The following SUPT3H variants were observed in gnomAD, a reference collection of about 807,000 sequenced individuals.
The protein encoded by SUPT3H is transcription initiation protein SPT3 homolog.
A neutral mutation model predicts 44.3 loss-of-function variants in SUPT3H; 44 were observed. The ratio of observed to expected loss-of-function variants is 0.99; its 90% confidence interval spans 0.78 to 1.28. The LOEUF (loss-of-function observed/expected upper bound fraction) is 1.28. Ranked by LOEUF, SUPT3H falls within the 50% of genes most tolerant of loss-of-function variation. The pLI is 0.00. For missense variants in SUPT3H, 380 were observed against 387.1 expected (o/e 0.98, Z 0.15); for synonymous variants, 124 against 125.6 (o/e 0.99, Z 0.09).
At chr6:45,137,336 C>G (rs1031280293) in intron 2 of SUPT3H, among the ~76,000 whole-genome samples, 5 of 151,872 alleles carry the variant, frequency 3.3e-5, no homozygotes, top group African/African-American at 1.2e-4. Context: ...GAAGAACACT[C>G]AAAAAGTTAA....
intron 2 of SUPT3H, among the ~76,000 whole-genome samples, chr6:45,282,067 C>T (rs1423507562): frequency 1.3e-5 from 2 of 152,094 alleles, no homozygotes; most frequent in African/African-American, 4.8e-5. Context: ...GAAAGGACAT[C>T]CACAACAAAA....
intron 3 of SUPT3H, among the ~76,000 whole-genome samples, chr6:45,053,338 T>A (rs919840347): frequency 5.3e-5 from 8 of 151,886 alleles, no homozygotes; most frequent in Admixed American, 3.9e-4. Context: ...CAGCAATTGG[T>A]GGCAAGTAAT....
rs70993493 is a variant in SUPT3H, at chr6:45,077,626, C to CAAAAAAAAAAAAA, written c.186+28283_186+28295dup. 3.9e-3 allele frequency among the ~76,000 whole-genome samples: 132 copies of CAAAAAAAAAAAAA among 33,604 alleles called. 1 individual carries two copies. The highest frequency in any genetic ancestry group is 8.0e-3 in the East Asian group (9 of 1,128). 22.0% of individuals were successfully genotyped at this position (33,604 alleles called of 152,430 possible). On this transcript the variant is annotated intron_variant, in intron 3 of 10. Transcript: ENST00000371459. ...TAGGTGACAGAGTGAGACCTTGTTT[C>CAAAAAAAAAAAAA]AAAAAAAAAAAAAAAAGAAAAGAAA...
chr6:44,823,733 G>A (rs1234959750), downstream of SUPT3H, among the ~76,000 whole-genome samples: 4 of 152,008 alleles, frequency 2.6e-5, no homozygotes, highest in African/African-American at 7.2e-5. Context: ...AGGCTGAGGC[G>A]GGTGGATCGC....
At chr6:44,863,209 T>C (rs531635212) in intron 10 of SUPT3H, among the ~76,000 whole-genome samples, 25 of 152,240 alleles carry the variant, frequency 1.6e-4, no homozygotes, top group Admixed American at 3.3e-4. Flanking sequence ...GTCACTCTTC[T>C]AGGTGTGGGA....
chr6:45,112,407 TA>T (rs897950390), intron 2 of SUPT3H, among the ~76,000 whole-genome samples: 1 of 151,198 alleles, frequency 6.6e-6, no homozygotes, highest in Non-Finnish European at 1.5e-5. Context: ...TCCTTAAATT[TA>T]AAAAAAAAGG....
intron 2 of SUPT3H, among the ~76,000 whole-genome samples, chr6:45,336,650 TTTC>T (rs1291893204): frequency 2.0e-5 from 3 of 151,524 alleles, no homozygotes; most frequent in East Asian, 1.9e-4. Context: ...TTCAAACAAT[TTTC>T]TTGACTATAA....
Position 45,328,217 on chromosome 6 carries a change from T to G in SUPT3H, c.101+36984A>C. 4.1e-6 allele frequency: 5 copies of G among 1,206,408 alleles called. No individual in the cohort carries two copies. The South Asian group carries it at 7.1e-5, about 17-fold the overall frequency. The allele number at this position is 1,206,408 out of a possible 1,614,324, so 74.7% of individuals were successfully genotyped here. On this transcript the variant is annotated intron_variant, in intron 2 of 10. Transcript: ENST00000371459. Reference sequence around the variant, plus strand: ...GCCACAGTGGTAGGCAGTCCCACTTTACTTAAGAGTACTGTGAGGTCACAA... The same window carrying G: ...GCCACAGTGGTAGGCAGTCCCACTTGACTTAAGAGTACTGTGAGGTCACAA...
At chr6:45,312,686 G>A (rs982490842) in intron 2 of SUPT3H, among the ~76,000 whole-genome samples, 2 of 138,344 alleles carry the variant, frequency 1.4e-5, no homozygotes, top group Admixed American at 1.4e-4. Flanking sequence ...ATAATGTGGG[G>A]GGGGGGGGGG....
chr6:44,838,183 C>T (rs899092933), intron 10 of SUPT3H, among the ~76,000 whole-genome samples: 3 of 152,140 alleles, frequency 2.0e-5, no homozygotes, highest in African/African-American at 7.2e-5. Flanking sequence ...TATTTTTACA[C>T]TTGATTTTAG....
At chr6:45,109,005 CATT>C (rs558043097) in intron 2 of SUPT3H, among the ~76,000 whole-genome samples, 48 of 152,080 alleles carry the variant, frequency 3.2e-4, no homozygotes, top group African/African-American at 1.1e-3. Context: ...AAAAAATCAT[CATT>C]AACATAAAGG....
In SUPT3H at chr6:45,009,131, TTTA is replaced by T. The variant is rs558051522; in HGVS notation, c.365-5342_365-5340del. On this transcript the variant is annotated intron_variant, in intron 5 of 10. Coordinates refer to ENST00000371459, the MANE Select transcript of SUPT3H (RefSeq NM_003599.4). ...CATTTTTAAATTGGGCCACTGTCTT[TTTA>T]TTGTTAAGTTGCATGCATTCTTGAT... is the stretch of plus-strand genomic sequence containing the variant. Among the ~76,000 whole-genome samples, 1,354 of 152,280 alleles carry T rather than the reference TTTA, an allele frequency of 8.9e-3. 13 individuals carry two copies. Among genetic ancestry groups the T allele is most frequent in the South Asian group, 0.025 (120 of 4,816 alleles).
At position 45,157,841 on chromosome 6, in the gene SUPT3H, C is replaced by T. The variant is rs189149099; in HGVS notation, c.102-51835G>A. Among the ~76,000 whole-genome samples the T allele has an allele frequency of 5.9e-5, 9 of 151,606 alleles. No individual in the cohort carries two copies. The East Asian group carries it at 1.5e-3, about 26-fold the overall frequency. The stretch of plus-strand genomic sequence containing the variant: ...GATTACAGGAGTGAGCCACCGCACC[C>T]GGCCAGCATTATATTTTTAAAAAGC... On this transcript the variant is annotated intron_variant, in intron 2 of 10. Transcript: ENST00000371459.
At chr6:44,932,543 G>C (rs1324778239) in intron 10 of SUPT3H, 110 bp downstream of exon 10, 5 of 696,558 alleles carry the variant, frequency 7.2e-6, no homozygotes, top group Non-Finnish European at 1.1e-5. Context: ...CAAAATTACA[G>C]TCACCACAAA....
chr6:45,192,578 T>G (rs1241435375), intron 2 of SUPT3H, among the ~76,000 whole-genome samples: 1 of 152,188 alleles, frequency 6.6e-6, no homozygotes, highest in Non-Finnish European at 1.5e-5. Context: ...TAAATTGTAT[T>G]AATAAGCTAT....
intron 2 of SUPT3H, among the ~76,000 whole-genome samples, chr6:45,106,801 C>T (rs1453171707): frequency 1.3e-5 from 2 of 152,094 alleles, no homozygotes; most frequent in Admixed American, 6.5e-5. Context: ...CTCCCAAAGT[C>T]CTGGGATTAC....
intron 3 of SUPT3H, among the ~76,000 whole-genome samples, chr6:45,057,640 A>G (rs1336173374): frequency 6.6e-6 from 1 of 152,160 alleles, no homozygotes; most frequent in Admixed American, 6.6e-5. Flanking sequence ...ATAGTTTTTC[A>G]GTAGTCATGT....
At chr6:45,369,012 A>G (rs1795610374) in intron 1 of SUPT3H, among the ~76,000 whole-genome samples, 1 of 152,256 alleles carries the variant, frequency 6.6e-6, no homozygotes, top group South Asian at 2.1e-4. Flanking sequence ...GAAAAAAATT[A>G]AAAATTAAAT....
intron 2 of SUPT3H, chr6:45,159,072 C>T (rs1038599868): frequency 6.6e-6 from 1 of 152,218 alleles, no homozygotes; most frequent in African/African-American, 2.4e-5. Context: ...TTCCCATTCT[C>T]TCCTCCCCAC....
Sources: allele counts gnomAD v4.1 joint callset (sites outside exome capture counted in the v4.1 genomes callset), GRCh38; gene constraint gnomAD v4.1.1; transcripts MANE v1.5; gene names NCBI Gene and HGNC (gene_info 2026-07-23, HGNC 2026-07-21).